TACR2: variants seen among roughly 807,000 people sequenced by gnomAD.
TACR2 encodes the protein tachykinin receptor 2, also known as substance-K receptor.
TACR2 carries 24 observed loss-of-function variants against 28.9 expected under a neutral mutation model. The ratio of observed to expected loss-of-function variants is 0.83; its 90% CI spans 0.60 to 1.17. The LOEUF is 1.17. Ranked by LOEUF, TACR2 falls within the 50% of genes most tolerant of loss-of-function variation. The probability of loss-of-function intolerance (pLI) is 0.00; values close to 1 mark genes in which losing one functional copy is unlikely to be tolerated. For missense variants in TACR2, 487 were observed against 524.4 expected, an observed-to-expected ratio of 0.93 and a Z score of 0.70; for synonymous variants, 222 against 212.6, an observed-to-expected ratio of 1.04 and a Z score of -0.38.
chr10:69,407,472 C>G (rs12244950), intron 3 of TACR2, among the ~76,000 whole-genome samples, 192 bp from the exon 4 acceptor site: 2,752 of 152,326 alleles, frequency 0.018, 91 homozygotes, highest in African/African-American at 0.063. Context: ...GAGGCCTGTG[C>G]TCAGGCAGGT....
At chr10:69,409,962 GGATA>G (rs1226303232) in intron 2 of TACR2, among the ~76,000 whole-genome samples, 2 of 125,392 alleles carry the variant, frequency 1.6e-5, no homozygotes, top group African/African-American at 5.9e-5. Context: ...CTGTCTGGAT[GGATA>G]GAATGACTGG....
intron 2 of TACR2, among the ~76,000 whole-genome samples, chr10:69,410,833 A>T (rs776861299): frequency 6.6e-6 from 1 of 152,134 alleles, no homozygotes; most frequent in Non-Finnish European, 1.5e-5. Flanking sequence ...CCTGTTCTGG[A>T]GGGCTGCCTT....
chr10:69,415,903 C>T (rs1249742115), intron 1 of TACR2, 29 bp downstream of exon 1: 15 of 1,601,714 alleles, frequency 9.4e-6, no homozygotes, highest in Non-Finnish European at 1.2e-5. Flanking sequence ...TGGGGAGGCT[C>T]CCCCCAGCTT....
intron 2 of TACR2, among the ~76,000 whole-genome samples, chr10:69,412,933 C>T (rs547496780): frequency 2.0e-5 from 3 of 152,148 alleles, no homozygotes; most frequent in African/African-American, 7.2e-5. Flanking sequence ...CAGGTTCAAG[C>T]GATTCTCCTG....
chr10:69,409,091 A>C lies in TACR2; in HGVS notation c.588-16T>G. The C allele has an allele frequency of 6.4e-7, 1 of 1,570,940 alleles. No homozygotes were observed. The highest frequency in any genetic ancestry group is 8.6e-7 in the Non-Finnish European group (1 of 1,160,790). ...GAGGTGGTACCTGCAGGGAGAGCCG[A>C]GGCCTGGGCAGCGGAGGGCCCGGGG... is the stretch of plus-strand genomic sequence containing the variant. On this transcript the variant is annotated splice_polypyrimidine_tract_variant and intron_variant, in intron 2 of 4. Transcript: ENST00000373306.
intron 2 of TACR2, among the ~76,000 whole-genome samples, chr10:69,414,570 T>C (rs1840595670): frequency 6.6e-6 from 1 of 152,172 alleles, no homozygotes; most frequent in Non-Finnish European, 1.5e-5. Context: ...TTTGAATCCA[T>C]AGCTGGATTC....
At chr10:69,408,391 G>A (rs1325240123) in intron 3 of TACR2, among the ~76,000 whole-genome samples, 1 of 152,140 alleles carries the variant, frequency 6.6e-6, no homozygotes, top group Admixed American at 6.5e-5. Context: ...TAAGATTCTT[G>A]GGGGTATCTG....
At position 69,416,009 on chromosome 10, in the gene TACR2, G is replaced by A. The variant is rs754202671; in HGVS notation, c.315C>T (p.Phe105=). The change falls in exon 1 of 5, where the codon TTC becomes TTT. Residue 105 remains phenylalanine (F), a synonymous_variant. Coordinates refer to ENST00000373306, the MANE Select transcript of TACR2 (RefSeq NM_001057.3). ...SHNIWYFGRA[F]CYFQNLFPIT... Reference sequence around the variant, plus strand: ...TGGGGAAGAGGTTCTGGAAGTAGCAGAAGGCACGGCCAAAGTACCAGATGT... The same window carrying A: ...TGGGGAAGAGGTTCTGGAAGTAGCAAAAGGCACGGCCAAAGTACCAGATGT... 6.2e-7 allele frequency: 1 copy of A among 1,614,220 alleles called. No homozygotes were observed. The highest frequency in any genetic ancestry group is 1.1e-5 in the South Asian group (1 of 91,086).
At chr10:69,407,882 G>A (rs1054727828) in intron 3 of TACR2, among the ~76,000 whole-genome samples, 4 of 152,208 alleles carry the variant, frequency 2.6e-5, no homozygotes, top group Non-Finnish European at 5.9e-5. Context: ...TGATCCTCAC[G>A]TAGGATCTGG....
Position 69,405,035 on chromosome 10 carries a change from G to A in TACR2, c.988C>T (p.Pro330Ser). ...LAFRCCPWVT[P>S]TKEDKLELTP... ...AGCTCGAGCTTATCTTCCTTGGTGG[G>A]TGTGACCCATGGGCAGCAGCGGAAG... Residue 330 changes from proline (P) to serine (S), a missense_variant, in exon 5 of 5, where the codon CCC becomes TCC. Physicochemically the swap from Pro to Ser is moderately conservative, Grantham distance 74 (BLOSUM62 -1). Coordinates refer to ENST00000373306, the MANE Select transcript of TACR2 (RefSeq NM_001057.3). 1 of 1,614,134 alleles carries A rather than the reference G, an allele frequency of 6.2e-7. No individual in the cohort carries two copies. Among genetic ancestry groups the A allele is most frequent in the Non-Finnish European group, 8.5e-7 (1 of 1,180,000 alleles).
chr10:69,408,957 C>G lies in TACR2; in HGVS notation c.706G>C (p.Gly236Arg). 3 of 1,593,572 alleles carry G rather than the reference C, an allele frequency of 1.9e-6. No individual in the cohort carries two copies. The highest frequency in any genetic ancestry group is 2.6e-6 in the Non-Finnish European group (3 of 1,173,800). Residue 236 changes from glycine (G) to arginine (R), a missense_variant, in exon 3 of 5, where the codon GGT becomes CGT. By Grantham distance (125) the Gly-to-Arg change is moderately radical. Transcript: ENST00000373306. ...RRAVPGHQAH[G>R]ANLRHLQAMK... ...GCCTGCAGGTGGCGCAGGTTGGCAC[C>G]GTGCGCCTGATGTCCGGGCACTGCG... is the stretch of plus-strand genomic sequence containing the variant.
In TACR2 at chr10:69,415,093, T is replaced by C. The variant is rs2133012421; in HGVS notation, c.439A>G (p.Ser147Gly). ...ATGCCAGCAATAACCGCCTTGGTGCTGGGAGCTGAAAGCCGAGGCTGGAAG... is the reference window on the plus strand; with the variant it reads ...ATGCCAGCAATAACCGCCTTGGTGCCGGGAGCTGAAAGCCGAGGCTGGAAG... ...HPFQPRLSAP[S>G]TKAVIAGIWL... Residue 147 changes from serine (S) to glycine (G), a missense_variant, in exon 2 of 5, where the codon AGC becomes GGC. By Grantham distance (56) the Ser-to-Gly change is moderately conservative. Transcript: ENST00000373306. 1 of 1,613,174 alleles carries C rather than the reference T, an allele frequency of 6.2e-7. No homozygotes were observed. The highest frequency in any genetic ancestry group is 1.1e-5 in the South Asian group (1 of 91,040).
At position 69,416,083 on chromosome 10, in the gene TACR2, A is replaced by G; in HGVS notation, c.241T>C (p.Cys81Arg). ...FIVNLALADL[C>R]MAAFNAAFNF... Reference sequence around the variant, plus strand: ...AAGGCGGCATTGAAGGCAGCCATGCAGAGGTCAGCCAGCGCCAGATTGACG... The same window carrying G: ...AAGGCGGCATTGAAGGCAGCCATGCGGAGGTCAGCCAGCGCCAGATTGACG... Residue 81 changes from cysteine (C) to arginine (R), a missense_variant, in exon 1 of 5, where the codon TGC becomes CGC. Physicochemically the swap from Cys to Arg is radical, Grantham distance 180. Transcript: ENST00000373306. 1 of 1,614,226 alleles carries G rather than the reference A, an allele frequency of 6.2e-7. No homozygotes were observed. Among genetic ancestry groups the G allele is most frequent in the Admixed American group, 1.7e-5 (1 of 60,022 alleles).
chr10:69,410,138 A>G (rs909928590), intron 2 of TACR2, among the ~76,000 whole-genome samples: 8 of 151,706 alleles, frequency 5.3e-5, no homozygotes, highest in Non-Finnish European at 8.8e-5. Context: ...ACCTTTGAGG[A>G]AGTGATGCAG....
intron 4 of TACR2, among the ~76,000 whole-genome samples, chr10:69,406,697 C>A (rs1412489322): frequency 6.6e-6 from 1 of 152,220 alleles, no homozygotes; most frequent in Non-Finnish European, 1.5e-5. Flanking sequence ...CTCCCTCCCG[C>A]TACTTAGCTT....
intron 4 of TACR2, among the ~76,000 whole-genome samples, chr10:69,405,939 G>T (rs549219056): frequency 4.6e-5 from 7 of 152,222 alleles, no homozygotes; most frequent in Admixed American, 4.6e-4. Flanking sequence ...ACTGTTTGTT[G>T]TATGAATTTG....
At chr10:69,408,653 C>T (rs1160817659) in intron 3 of TACR2, among the ~76,000 whole-genome samples, 2 of 152,142 alleles carry the variant, frequency 1.3e-5, no homozygotes, top group East Asian at 1.9e-4. Context: ...GCAAATCCGC[C>T]CGGCTGGGAG....
intron 2 of TACR2, among the ~76,000 whole-genome samples, chr10:69,410,155 A>G (rs1039883203): frequency 1.3e-5 from 2 of 151,678 alleles, no homozygotes; most frequent in Non-Finnish European, 2.9e-5. Context: ...GCAGAGTACC[A>G]TTGCGTGGCT....
intron 1 of TACR2, 24 bp downstream of exon 1, chr10:69,415,908 C>T: frequency 3.7e-6 from 6 of 1,605,782 alleles, no homozygotes; most frequent in Non-Finnish European, 5.1e-6. Context: ...AGGCTCCCCC[C>T]AGCTTCCCCA....
Sources: gnomAD v4.1 joint callset for allele counts (sites outside exome capture counted in the v4.1 genomes callset) on GRCh38, gnomAD v4.1.1 for gene constraint, MANE v1.5 for transcripts, NCBI Gene and HGNC (gene_info 2026-07-23, HGNC 2026-07-21) for gene names.